Variants in SAMD3 observed in about 807,000 individuals in gnomAD.
The protein encoded by SAMD3 is sterile alpha motif domain containing 3.
A neutral mutation model predicts 58.5 loss-of-function variants in SAMD3; 63 were observed. That is an observed-to-expected ratio of 1.08 (90% CI 0.88 to 1.33). SAMD3 has a LOEUF of 1.33. Ranked by LOEUF, SAMD3 falls within the 40% of genes most tolerant of loss-of-function variation. The pLI is 0.00. For missense variants in SAMD3, 604 were observed against 608.4 expected (o/e 0.99, Z 0.08); for synonymous variants, 220 against 210.3 (o/e 1.05, Z -0.40).
At chr6:130,249,575 AG>A (rs1773671832) in intron 2 of SAMD3, among the ~76,000 whole-genome samples, 3 of 152,204 alleles carry the variant, frequency 2.0e-5, no homozygotes, top group African/African-American at 7.2e-5. Context: ...TACAGAATTA[AG>A]GAAACAAGGA....
chr6:130,144,438 A>G lies in SAMD3; in HGVS notation c.*82T>C. The G allele has an allele frequency of 7.3e-7, 1 of 1,376,504 alleles. No homozygotes were observed. The highest frequency in any genetic ancestry group is 1.4e-5 in the South Asian group (1 of 71,240). 85.3% of individuals were successfully genotyped at this position (1,376,504 alleles called of 1,614,324 possible). Reference sequence around the variant, plus strand: ...AGATGATTTTCTCATACCTACCTCTACCACAACCCTAAATCAAAACAATTT... The same window carrying G: ...AGATGATTTTCTCATACCTACCTCTGCCACAACCCTAAATCAAAACAATTT... On this transcript the variant is annotated 3_prime_UTR_variant, in exon 12 of 12. Coordinates refer to ENST00000439090, the MANE Select transcript of SAMD3 (RefSeq NM_001017373.4).
intron 1 of SAMD3, among the ~76,000 whole-genome samples, chr6:130,347,391 T>G (rs772595571): frequency 3.3e-5 from 5 of 152,146 alleles, no homozygotes; most frequent in Non-Finnish European, 5.9e-5. Context: ...AAGGACCTGA[T>G]GGAGCTGAAA....
chr6:130,243,877 A>T (rs1348279915), intron 2 of SAMD3, among the ~76,000 whole-genome samples: 1 of 152,226 alleles, frequency 6.6e-6, no homozygotes, highest in East Asian at 1.9e-4. Flanking sequence ...ATCTGCTGCT[A>T]CTTGAATGTT....
At chr6:130,186,767 A>ATTTTTTTTT (rs35592601) in intron 5 of SAMD3, among the ~76,000 whole-genome samples, 3 of 107,036 alleles carry the variant, frequency 2.8e-5, no homozygotes, top group African/African-American at 3.8e-5. Flanking sequence ...CCTTCCTGGG[A>ATTTTTTTTT]TTTTTTTTTT....
At chr6:130,289,491 A>AG (rs1491463853) in intron 2 of SAMD3, among the ~76,000 whole-genome samples, 20 of 119,608 alleles carry the variant, frequency 1.7e-4, no homozygotes, top group African/African-American at 6.5e-4. Context: ...AAAGGTAAAG[A>AG]AAAAAAAATA....
chr6:130,312,530 A>G (rs965934019), intron 2 of SAMD3, among the ~76,000 whole-genome samples: 1 of 152,218 alleles, frequency 6.6e-6, no homozygotes, highest in African/African-American at 2.4e-5. Context: ...AGTAGGAGAC[A>G]GTGAAGTAAT....
intron 8 of SAMD3, among the ~76,000 whole-genome samples, chr6:130,168,079 A>G (rs1479407561): frequency 6.6e-6 from 1 of 152,206 alleles, no homozygotes; most frequent in African/African-American, 2.4e-5. Flanking sequence ...CCCTCTGCTC[A>G]GACCTGCAGA....
chr6:130,331,394 A>G (rs1776927922), intron 1 of SAMD3, among the ~76,000 whole-genome samples: 1 of 152,244 alleles, frequency 6.6e-6, no homozygotes, highest in Admixed American at 6.5e-5. Flanking sequence ...TGAGTTGATG[A>G]GGAAAGTCAT....
chr6:130,172,889 A>AGGCTTTGT (rs1476253463), intron 8 of SAMD3, among the ~76,000 whole-genome samples: 6 of 152,184 alleles, frequency 3.9e-5, no homozygotes, highest in Non-Finnish European at 4.4e-5. Context: ...TATTTCTTGG[A>AGGCTTTGT]GGCTTTGTTC....
chr6:130,343,814 A>C lies in SAMD3; in HGVS notation c.-304+21306T>G, dbSNP rs1175890564. ...ACCCTGTCTCTACTAAAAATACAAA[A>C]ATTAACCGGGCATGGTGGTGGGTGC... On this transcript the variant is annotated intron_variant, in intron 1 of 13. Transcript: ENST00000368134. Among the ~76,000 whole-genome samples the C allele has an allele frequency of 1.3e-5, 2 of 151,834 alleles. 1 individual carries two copies. The highest frequency in any genetic ancestry group is 2.9e-5 in the Non-Finnish European group (2 of 67,852).
At chr6:130,292,974 T>C (rs1027473511) in intron 2 of SAMD3, among the ~76,000 whole-genome samples, 2 of 152,230 alleles carry the variant, frequency 1.3e-5, no homozygotes, top group African/African-American at 4.8e-5. Flanking sequence ...TGATTCACAA[T>C]GTCAATTTAT....
chr6:130,276,645 G>T (rs931162214), intron 2 of SAMD3, among the ~76,000 whole-genome samples: 23 of 152,038 alleles, frequency 1.5e-4, no homozygotes, highest in African/African-American at 5.3e-4. Flanking sequence ...TATAATAAGG[G>T]TATAATTCCC....
intron 2 of SAMD3, among the ~76,000 whole-genome samples, chr6:130,281,206 T>C (rs997886282): frequency 1.3e-5 from 2 of 152,198 alleles, no homozygotes; most frequent in African/African-American, 4.8e-5. Flanking sequence ...TAACTGAAAT[T>C]ATGGAAAGCA....
chr6:130,232,259 T>C (rs1207190605), intron 2 of SAMD3, among the ~76,000 whole-genome samples: 1 of 152,142 alleles, frequency 6.6e-6, no homozygotes, highest in Admixed American at 6.5e-5. Context: ...GACTGATTGG[T>C]GTTTAAAAGA....
chr6:130,304,617 C>G (rs1412795482), intron 2 of SAMD3, among the ~76,000 whole-genome samples: 1 of 152,114 alleles, frequency 6.6e-6, no homozygotes, highest in Non-Finnish European at 1.5e-5. Flanking sequence ...TCTCCACTTA[C>G]TCTTTTGCTT....
chr6:130,183,021 T>G, intron 7 of SAMD3: 1 of 213,174 alleles, frequency 4.7e-6, no homozygotes, highest in Non-Finnish European at 9.6e-6. Flanking sequence ...TATTCTTAGG[T>G]ACAGTTCAAT....
chr6:130,235,271 T>A (rs1361648824), intron 2 of SAMD3, among the ~76,000 whole-genome samples: 1 of 152,244 alleles, frequency 6.6e-6, no homozygotes, highest in African/African-American at 2.4e-5. Context: ...AATCATATTG[T>A]GTGTAGTACT....
chr6:130,269,242 C>G (rs1332225990), intron 2 of SAMD3, among the ~76,000 whole-genome samples: 2 of 152,122 alleles, frequency 1.3e-5, no homozygotes. Flanking sequence ...TAACGCTTTG[C>G]TCTTTGTCAA....
chr6:130,175,928 AT>A lies in SAMD3; in HGVS notation c.734del (p.Asn245IlefsTer19), dbSNP rs1437667647. Reference protein sequence around the residue: ...PIEDDEQVIRNKCKFGHRRGQ... With the variant: ...PIEDDEQVIRXKCKFGHRRGQ... ...CTCTTCGGTGTCCAAATTTACACTTATTTCTAATCACTTGCTCATCATCTTC... is the reference window on the plus strand; with the variant it reads ...CTCTTCGGTGTCCAAATTTACACTTATTCTAATCACTTGCTCATCATCTTC... On this transcript the variant is annotated frameshift_variant, in exon 8 of 12. Coordinates refer to ENST00000439090, the MANE Select transcript of SAMD3 (RefSeq NM_001017373.4). LOFTEE classifies it high-confidence loss of function. 1 of 1,613,144 alleles carries A rather than the reference AT, an allele frequency of 6.2e-7. No individual in the cohort carries two copies. Among genetic ancestry groups the A allele is most frequent in the East Asian group, 2.2e-5 (1 of 44,828 alleles).
Sources: allele counts gnomAD v4.1 joint callset (sites outside exome capture counted in the v4.1 genomes callset), GRCh38; gene constraint gnomAD v4.1.1; transcripts MANE v1.5; gene names NCBI Gene and HGNC (gene_info 2026-07-23, HGNC 2026-07-21).